Variants in GNL2 observed in about 807,000 individuals in gnomAD.
GNL2 encodes nucleolar GTP-binding protein 2.
A neutral mutation model predicts 92.3 loss-of-function variants in GNL2; 51 were observed. The ratio of observed to expected loss-of-function variants is 0.55; its 90% CI spans 0.44 to 0.70. The LOEUF (loss-of-function observed/expected upper bound fraction) is 0.70. GNL2 is among the 30% of genes least tolerant of loss of function. The pLI is 0.00. For missense variants in GNL2, 844 were observed against 895.6 expected (o/e 0.94, Z 0.74); for synonymous variants, 283 against 300.6 (o/e 0.94, Z 0.61).
intron 8 of GNL2, among the ~76,000 whole-genome samples, chr1:37,578,011 T>C (rs1039748972): frequency 6.6e-6 from 1 of 152,082 alleles, no homozygotes; most frequent in Non-Finnish European, 1.5e-5. Flanking sequence ...TCCCACTGAG[T>C]TCCCAGAACT....
chr1:37,587,547 G>GACTGAAGATGTCTAAGGTGGCTTGATTGA, intron 4 of GNL2, 52 bp from the exon 5 acceptor site: 1 of 1,301,666 alleles, frequency 7.7e-7, no homozygotes, highest in African/African-American at 1.5e-5. Context: ...CTGAGAAAAA[G>GACTGAAGATGTCTAAGGTGGCTTGATTGA]CAAAAAGCTC....
At chr1:37,568,399 C>A in intron 13 of GNL2, 42 bp from the exon 14 acceptor site, 1 of 1,283,062 alleles carries the variant, frequency 7.8e-7, no homozygotes, top group Middle Eastern at 1.8e-4. Flanking sequence ...TCTCACTCGC[C>A]CGAATCACAT....
intron 6 of GNL2, chr1:37,583,227 ACTT>A: frequency 4.6e-6 from 1 of 216,864 alleles, no homozygotes; most frequent in Non-Finnish European, 9.0e-6. Context: ...TACTTCTTAG[ACTT>A]CTTTAAGTTT....
rs778890891 is a variant in GNL2 at position 37,583,896 on chromosome 1, A to G, written c.607T>C (p.Ser203Pro). 1 of 1,590,166 alleles carries G rather than the reference A, an allele frequency of 6.3e-7. No individual in the cohort carries two copies. Among genetic ancestry groups the G allele is most frequent in the African/African-American group, 1.3e-5 (1 of 74,616 alleles). ...AQEEIYKKGQ[S>P]KRIWGELYKV... ...TAGAGCTCACCCCATATTCTTTTGG[A>G]CTGTCCCTTTTTATAGATCTCTTCT... Residue 203 changes from serine (S) to proline (P), a missense_variant, in exon 6 of 16, where the codon TCC becomes CCC. Transcript: ENST00000373062.
intron 8 of GNL2, among the ~76,000 whole-genome samples, chr1:37,576,868 T>A (rs1262888509): frequency 6.6e-6 from 1 of 152,114 alleles, no homozygotes; most frequent in African/African-American, 2.4e-5. Flanking sequence ...TCCCAGCACT[T>A]TGGGAGGCCA....
At position 37,575,733 on chromosome 1, in the gene GNL2, T is replaced by G; in HGVS notation, c.1039-34A>C. The G allele has an allele frequency of 7.6e-7, 1 of 1,311,410 alleles. No homozygotes were observed. Among genetic ancestry groups the G allele is most frequent in the Non-Finnish European group, 1.1e-6 (1 of 922,934 alleles). 81.2% of individuals were successfully genotyped at this position (1,311,410 alleles called of 1,614,324 possible). On this transcript the variant is annotated intron_variant, in intron 9 of 15. Coordinates refer to ENST00000373062, the MANE Select transcript of GNL2 (RefSeq NM_013285.3). This position sits in a 1 kb window ranked among gnomAD's most constrained non-coding sequence, Gnocchi z 4.1. ...AGAAAAAAGTCAGAGATGTCCTGTA[T>G]CAAACACTAAGAGTCTAATTTCACA...
chr1:37,577,861 T>C (rs1643703279), intron 8 of GNL2, among the ~76,000 whole-genome samples: 3 of 152,228 alleles, frequency 2.0e-5, no homozygotes, highest in Non-Finnish European at 1.5e-5. Context: ...GGCTTTTGGA[T>C]TTTTTGAAAT....
chr1:37,584,438 C>A (rs113398563), intron 5 of GNL2, among the ~76,000 whole-genome samples: 58 of 146,194 alleles, frequency 4.0e-4, no homozygotes, highest in African/African-American at 1.4e-3. Context: ...CAGAGCAAGA[C>A]CCTGTCTCAA....
chr1:37,569,573 C>T, intron 12 of GNL2: 1 of 362,298 alleles, frequency 2.8e-6, no homozygotes, highest in Non-Finnish European at 5.0e-6. Flanking sequence ...AATGATTTAT[C>T]ATAGAAAAGC....
At chr1:37,573,177 G>A (rs1293270320) in intron 12 of GNL2, among the ~76,000 whole-genome samples, 1 of 152,166 alleles carries the variant, frequency 6.6e-6, no homozygotes, top group African/African-American at 2.4e-5. Context: ...TGATGGTTTG[G>A]GCAGGGAGAA....
rs200099282 is a variant in GNL2 at position 37,574,655 on chromosome 1, G to T, written c.1302+10C>A. On this transcript the variant is annotated intron_variant, in intron 11 of 15. Transcript: ENST00000373062. ...AGTATCAGTCTAAATTCTCACAAAC[G>T]CCGGGTCACCTTTAGTAACTTCCCA... 2 of 1,612,206 alleles carry T rather than the reference G, an allele frequency of 1.2e-6. No individual in the cohort carries two copies. The highest frequency in any genetic ancestry group is 3.3e-5 in the Admixed American group (2 of 59,956).
chr1:37,580,927 A>C (rs1643756615), intron 8 of GNL2, among the ~76,000 whole-genome samples: 1 of 152,238 alleles, frequency 6.6e-6, no homozygotes, highest in African/African-American at 2.4e-5. Context: ...TACTCTTCCC[A>C]GCCTGTTAGA....
At chr1:37,586,390 G>A (rs114671612) in intron 5 of GNL2, among the ~76,000 whole-genome samples, 2,105 of 152,200 alleles carry the variant, frequency 0.014, 19 homozygotes, top group Non-Finnish European at 0.021. Context: ...AGTATTACAG[G>A]TAAGCCACTG....
chr1:37,594,479 G>A (rs1385500042), intron 1 of GNL2, among the ~76,000 whole-genome samples: 1 of 152,146 alleles, frequency 6.6e-6, no homozygotes, highest in South Asian at 2.1e-4. Context: ...AACGAATAGG[G>A]TAATACTAGC....
intron 14 of GNL2, 86 bp from the exon 15 acceptor site, chr1:37,567,850 G>T: frequency 1.0e-6 from 1 of 1,003,448 alleles, no homozygotes; most frequent in Non-Finnish European, 1.6e-6. Flanking sequence ...GATGTATCAG[G>T]AGGAGGACAC....
chr1:37,582,765 T>C lies in GNL2; in HGVS notation c.795+13A>G, dbSNP rs1420205791. 1 of 1,601,256 alleles carries C rather than the reference T, an allele frequency of 6.2e-7. No individual in the cohort carries two copies. The highest frequency in any genetic ancestry group is 8.5e-7 in the Non-Finnish European group (1 of 1,171,608). ...GTCTTAATAGTCTATTCTGGTTTAG[T>C]AGTTGTACTTACTGTTGCCCAGGTT... On this transcript the variant is annotated intron_variant, in intron 7 of 15. Transcript: ENST00000373062.
In GNL2 at chr1:37,574,657, C is replaced by A. The variant is rs74993643; in HGVS notation, c.1302+8G>T. ...TATCAGTCTAAATTCTCACAAACGCCGGGTCACCTTTAGTAACTTCCCAGT... is the reference window on the plus strand; with the variant it reads ...TATCAGTCTAAATTCTCACAAACGCAGGGTCACCTTTAGTAACTTCCCAGT... On this transcript the variant is annotated splice_region_variant and intron_variant, in intron 11 of 15. Coordinates refer to ENST00000373062, the MANE Select transcript of GNL2 (RefSeq NM_013285.3). 214 of 1,612,744 alleles carry A rather than the reference C, an allele frequency of 1.3e-4. No individual in the cohort carries two copies. The East Asian group carries it at 4.7e-3, about 35-fold the overall frequency.
At chr1:37,572,156 C>T (rs1643604128) in intron 12 of GNL2, among the ~76,000 whole-genome samples, 1 of 152,096 alleles carries the variant, frequency 6.6e-6, no homozygotes, top group Non-Finnish European at 1.5e-5. Context: ...CTCCCCCAAA[C>T]CCCTTAGCCT....
At chr1:37,581,866 T>C (rs1254038585) in intron 8 of GNL2, among the ~76,000 whole-genome samples, 1 of 152,302 alleles carries the variant, frequency 6.6e-6, no homozygotes, top group Non-Finnish European at 1.5e-5. Flanking sequence ...GGTTTCACCA[T>C]ATTGGCCAGG....
Sources: gnomAD v4.1 joint callset for allele counts (sites outside exome capture counted in the v4.1 genomes callset) on GRCh38, gnomAD v4.1.1 for gene constraint, Gnocchi (gnomAD v3.1) non-coding constraint, MANE v1.5 for transcripts, NCBI Gene and HGNC (gene_info 2026-07-23, HGNC 2026-07-21) for gene names.